The following TENM2 variants were observed in gnomAD, a reference collection of about 807,000 sequenced individuals.
TENM2 encodes teneurin transmembrane protein 2.
TENM2 carries 52 observed loss-of-function variants against 245.2 expected under a neutral mutation model. The ratio of observed to expected loss-of-function variants is 0.21; its 90% confidence interval spans 0.17 to 0.27. TENM2 has a LOEUF of 0.27. TENM2 is among the 10% of genes least tolerant of loss of function. The pLI is 1.00. For synonymous variants in TENM2, 1,363 were observed against 1,438.9 expected (o/e 0.95, Z 1.19); for missense variants, 3,046 against 3,666.8 (o/e 0.83, Z 4.37).
At chr5:168,094,247 A>G (rs1411071836) in intron 8 of TENM2, among the ~76,000 whole-genome samples, 1 of 152,140 alleles carries the variant, frequency 6.6e-6, no homozygotes, top group Non-Finnish European at 1.5e-5. Context: ...AAATACCTCA[A>G]GTGAAGCCCT....
chr5:167,336,201 C>T (rs1203604058), intron 1 of TENM2, among the ~76,000 whole-genome samples: 17 of 23,264 alleles, frequency 7.3e-4, no homozygotes, highest in African/African-American at 1.7e-3. Flanking sequence ...TTTTTTTTTT[C>T]CGGTCAGGGT....
chr5:167,680,306 T>A (rs1161803275), intron 2 of TENM2, among the ~76,000 whole-genome samples: 1 of 26,378 alleles, frequency 3.8e-5, no homozygotes, highest in African/African-American at 1.7e-4. Context: ...TAACATAGAA[T>A]AAGTTAAAAA....
the TENM2 span, among the ~76,000 whole-genome samples, chr5:167,264,258 CA>C: frequency 6.6e-6 from 1 of 152,034 alleles, no homozygotes. Flanking sequence ...CAAAAGGAAT[CA>C]AAAGACTGGT....
intron 2 of TENM2, among the ~76,000 whole-genome samples, chr5:167,695,773 G>A (rs542089718): frequency 6.2e-4 from 94 of 150,850 alleles, no homozygotes; most frequent in Non-Finnish European, 1.2e-3. Flanking sequence ...GGTGGCTCAC[G>A]CCTGTAATCC....
chr5:168,222,770 C>G lies in TENM2; in HGVS notation c.5109-3318C>G, dbSNP rs578084634. Among the ~76,000 whole-genome samples the G allele has an allele frequency of 1.7e-4, 26 of 152,300 alleles. 1 individual carries two copies. The South Asian group carries it at 5.2e-3, about 30-fold the overall frequency. On this transcript the variant is annotated intron_variant, in intron 23 of 28. Coordinates refer to ENST00000518659, the Ensembl canonical transcript of TENM2. Reference sequence around the variant, plus strand: ...CCTTCTTTATTTTAGTCCTTAGCACCTATTACTCACCATCTGACATGCTGT... The same window carrying G: ...CCTTCTTTATTTTAGTCCTTAGCACGTATTACTCACCATCTGACATGCTGT...
intron 3 of TENM2, among the ~76,000 whole-genome samples, chr5:167,945,870 A>G (rs1033014174): frequency 1.3e-5 from 2 of 152,142 alleles, no homozygotes; most frequent in African/African-American, 2.4e-5. Flanking sequence ...GGCACTGGCT[A>G]GAGCTGGAGC....
At chr5:167,755,064 C>T (rs2150669847) in intron 2 of TENM2, 2 of 1,598,060 alleles carry the variant, frequency 1.3e-6, no homozygotes, top group African/African-American at 2.7e-5. Context: ...ATGGTGAGCC[C>T]ACCTCTCCTG....
the TENM2 span, among the ~76,000 whole-genome samples, chr5:166,997,245 A>G: frequency 6.6e-6 from 1 of 152,260 alleles, no homozygotes; most frequent in African/African-American, 2.4e-5. Flanking sequence ...CATCAGTTAC[A>G]GAATAGTTAC....
At chr5:167,347,934 A>G (rs1228006835) in intron 1 of TENM2, among the ~76,000 whole-genome samples, 1 of 152,174 alleles carries the variant, frequency 6.6e-6, no homozygotes, top group Non-Finnish European at 1.5e-5. Flanking sequence ...AGCATTACCC[A>G]AAAGAATCTA....
At chr5:167,447,208 A>C (rs1199461323) in intron 2 of TENM2, among the ~76,000 whole-genome samples, 1 of 152,220 alleles carries the variant, frequency 6.6e-6, no homozygotes, top group East Asian at 1.9e-4. Context: ...CTATCCTATG[A>C]AATACAGATA....
At chr5:167,209,050 AC>A in the TENM2 span, among the ~76,000 whole-genome samples, 1 of 152,124 alleles carries the variant, frequency 6.6e-6, no homozygotes, top group Non-Finnish European at 1.5e-5. Flanking sequence ...TTGTAACTAC[AC>A]GTATTTCTTT....
intron 19 of TENM2, among the ~76,000 whole-genome samples, chr5:168,209,316 T>G (rs1207097902): frequency 6.6e-6 from 1 of 152,200 alleles, no homozygotes; most frequent in Non-Finnish European, 1.5e-5. Context: ...CATTAACCAG[T>G]TTGTCATTGA....
chr5:168,059,115 G>A (rs1394617023), intron 6 of TENM2, among the ~76,000 whole-genome samples: 1 of 152,174 alleles, frequency 6.6e-6, no homozygotes, highest in Non-Finnish European at 1.5e-5. Context: ...GACTACTGAG[G>A]AAGTAGCCTG....
At chr5:167,613,971 A>G (rs971086211) in intron 2 of TENM2, among the ~76,000 whole-genome samples, 6 of 152,164 alleles carry the variant, frequency 3.9e-5, no homozygotes, top group African/African-American at 1.2e-4. Flanking sequence ...ATAGAAAGGT[A>G]TTTGAAAATC....
chr5:168,227,800 A>G, intron 24 of TENM2, 95 bp from the exon 27 acceptor site: 1 of 785,942 alleles, frequency 1.3e-6, no homozygotes, highest in South Asian at 2.0e-5. Flanking sequence ...AGTACCATGG[A>G]AACCTATTAA....
At chr5:167,837,685 G>A (rs1769127782) in intron 2 of TENM2, among the ~76,000 whole-genome samples, 1 of 152,082 alleles carries the variant, frequency 6.6e-6, no homozygotes, top group Non-Finnish European at 1.5e-5. Context: ...AATTCTCTGT[G>A]CTTTTTAAAA....
intron 2 of TENM2, among the ~76,000 whole-genome samples, chr5:167,536,893 G>A (rs1022258260): frequency 2.0e-5 from 3 of 151,836 alleles, no homozygotes; most frequent in Non-Finnish European, 2.9e-5. Context: ...TAATGGTGGC[G>A]GGTGCCTGTA....
chr5:166,979,676 T>C, the TENM2 span, among the ~76,000 whole-genome samples: 1 of 152,180 alleles, frequency 6.6e-6, no homozygotes, highest in Non-Finnish European at 1.5e-5. Context: ...GTTTACAACT[T>C]GTTTCATGGT....
Position 167,357,789 on chromosome 5 carries a change from C to T in TENM2, c.227-17409C>T, listed in dbSNP as rs956405699. Among the ~76,000 whole-genome samples the T allele has an allele frequency of 3.4e-4, 52 of 152,206 alleles. 1 individual carries two copies. The Middle Eastern group carries it at 0.02, about 60-fold the overall frequency. ...ATTCTGTTCTTCAGTTGTACTAAAA[C>T]GCCTGGTCTATGCATTCTCTCACTC... On this transcript the variant is annotated intron_variant, in intron 1 of 28. Coordinates refer to ENST00000518659, the Ensembl canonical transcript of TENM2.
Sources: allele counts gnomAD v4.1 joint callset (sites outside exome capture counted in the v4.1 genomes callset), GRCh38; gene constraint gnomAD v4.1.1; transcripts MANE v1.5; gene names NCBI Gene and HGNC (gene_info 2026-07-23, HGNC 2026-07-21).